The following PIP5K1B variants were observed in gnomAD, a reference collection of about 807,000 sequenced individuals.
PIP5K1B encodes the protein phosphatidylinositol-4-phosphate 5-kinase type 1 beta.
In PIP5K1B, 42 loss-of-function variants were observed where a neutral mutation model predicts 67.0. The observed-to-expected ratio is 0.63, with a 90% CI of 0.49 to 0.81. The LOEUF (loss-of-function observed/expected upper bound fraction) is 0.81. PIP5K1B is among the 30% of genes least tolerant of loss of function. The pLI, the probability that PIP5K1B is intolerant of heterozygous loss-of-function variation, is 0.00. For synonymous variants in PIP5K1B, 214 were observed against 231.4 expected, an observed-to-expected ratio of 0.92 and a Z score of 0.68; for missense variants, 459 against 646.3, an observed-to-expected ratio of 0.71 and a Z score of 3.14.
At chr9:68,842,615 A>C (rs118065978) in intron 4 of PIP5K1B, among the ~76,000 whole-genome samples, 1 of 152,328 alleles carries the variant, frequency 6.6e-6, no homozygotes, top group Non-Finnish European at 1.5e-5. Context: ...CTTAGTTCTC[A>C]ACCAGAGCTG....
At position 68,865,824 on chromosome 9, in the gene PIP5K1B, C is replaced by T. The variant is rs1031855001; in HGVS notation, c.200+1857C>T. On this transcript the variant is annotated intron_variant, in intron 5 of 15. Coordinates refer to ENST00000265382, the MANE Select transcript of PIP5K1B (RefSeq NM_003558.4). The stretch of plus-strand genomic sequence containing the variant: ...CCAGGAATCTGTTTTAACAAGCCGT[C>T]GGGGTGATTCTCAGCACAGAAAGGT... Among the ~76,000 whole-genome samples, 9 of 152,198 alleles carry T rather than the reference C, an allele frequency of 5.9e-5. 1 individual carries two copies. In the East Asian group the frequency reaches 1.7e-3, roughly 29 times the overall value.
At chr9:68,961,753 C>T (rs1828760780) in intron 14 of PIP5K1B, among the ~76,000 whole-genome samples, 1 of 152,194 alleles carries the variant, frequency 6.6e-6, no homozygotes, top group African/African-American at 2.4e-5. Context: ...TCCTTATTTT[C>T]AGTTGGTCCC....
intron 8 of PIP5K1B, among the ~76,000 whole-genome samples, chr9:68,909,766 C>T (rs1825773498): frequency 6.6e-6 from 1 of 152,206 alleles, no homozygotes; most frequent in African/African-American, 2.4e-5. Context: ...TGTCTCCCCT[C>T]ATCAGGAGGC....
In PIP5K1B at chr9:68,742,487, T is replaced by C. The variant is rs1314670551; in HGVS notation, c.-242-14T>C. ...TGATTGTTTGAGGTAGGCATTATTA[T>C]TTCCATTTTACAGATGAGGAAGCCA... On this transcript the variant is annotated splice_polypyrimidine_tract_variant and intron_variant, in intron 1 of 15. Coordinates refer to ENST00000265382, the MANE Select transcript of PIP5K1B (RefSeq NM_003558.4). 1 of 152,210 alleles carries C rather than the reference T, an allele frequency of 6.6e-6. No individual in the cohort carries two copies. The highest frequency in any genetic ancestry group is 1.5e-5 in the Non-Finnish European group (1 of 68,056). 9.4% of individuals were successfully genotyped at this position (152,210 alleles called of 1,614,324 possible). A position where few individuals can be genotyped will look rare whatever the true frequency, so the allele number is the denominator to read the frequency against.
intron 14 of PIP5K1B, among the ~76,000 whole-genome samples, chr9:68,969,607 G>C (rs1015690875): frequency 2.0e-5 from 3 of 152,110 alleles, no homozygotes; most frequent in Admixed American, 2.0e-4. Context: ...CTAGAAGGCA[G>C]AAGAAAAATG....
intron 2 of PIP5K1B, among the ~76,000 whole-genome samples, chr9:68,812,261 G>A (rs1306636017): frequency 1.3e-5 from 2 of 152,126 alleles, no homozygotes; most frequent in African/African-American, 4.8e-5. Context: ...AATCACATAT[G>A]TGGCAGCATT....
chr9:68,723,880 C>T (rs1239187375), intron 1 of PIP5K1B, among the ~76,000 whole-genome samples: 2 of 151,780 alleles, frequency 1.3e-5, no homozygotes, highest in East Asian at 1.9e-4. Context: ...GATGCAATCT[C>T]ATTTGTCTAT....
chr9:68,835,956 C>G (rs1587529367), intron 4 of PIP5K1B, among the ~76,000 whole-genome samples: 1 of 151,924 alleles, frequency 6.6e-6, no homozygotes, highest in South Asian at 2.1e-4. Context: ...CTTCAAGAAC[C>G]CTTTTTCCTC....
At chr9:68,779,940 C>A in intron 2 of PIP5K1B, 1 of 498,364 alleles carries the variant, frequency 2.0e-6, no homozygotes, top group Non-Finnish European at 3.3e-6. Flanking sequence ...AGCGGCCCGA[C>A]CACTCCTCGC....
chr9:68,843,125 T>C (rs1822002183), intron 4 of PIP5K1B: 1 of 152,216 alleles, frequency 6.6e-6, no homozygotes, highest in Non-Finnish European at 1.5e-5. Flanking sequence ...CATAGAATTT[T>C]TAAAGGTGAT....
chr9:68,838,484 C>T (rs1587533968), intron 4 of PIP5K1B, among the ~76,000 whole-genome samples: 1 of 152,328 alleles, frequency 6.6e-6, no homozygotes, highest in East Asian at 1.9e-4. Flanking sequence ...GGAAGTGTCA[C>T]TCTAGTGCTT....
At chr9:68,764,219 A>G (rs1436877049) in intron 2 of PIP5K1B, among the ~76,000 whole-genome samples, 3 of 151,348 alleles carry the variant, frequency 2.0e-5, no homozygotes, top group Non-Finnish European at 4.4e-5. Flanking sequence ...TTTTATCTCA[A>G]CAATAAGTGG....
At chr9:68,891,698 CA>C (rs1221341715) in intron 7 of PIP5K1B, among the ~76,000 whole-genome samples, 1 of 151,996 alleles carries the variant, frequency 6.6e-6, no homozygotes, top group Admixed American at 6.6e-5. Context: ...TGACAGAATT[CA>C]AAATGAGCAA....
At chr9:68,746,190 T>A (rs1829299558) in intron 2 of PIP5K1B, among the ~76,000 whole-genome samples, 1 of 151,570 alleles carries the variant, frequency 6.6e-6, no homozygotes. Flanking sequence ...GCTACTCTTG[T>A]GCCTCAGCCT....
intron 14 of PIP5K1B, among the ~76,000 whole-genome samples, chr9:68,989,623 T>G (rs895985645): frequency 6.6e-6 from 1 of 152,132 alleles, no homozygotes; most frequent in Non-Finnish European, 1.5e-5. Flanking sequence ...TAACTTTGAT[T>G]TTAATGGGGA....
At chr9:68,926,761 G>A (rs1257272175) in intron 12 of PIP5K1B, among the ~76,000 whole-genome samples, 1 of 151,914 alleles carries the variant, frequency 6.6e-6, no homozygotes, top group African/African-American at 2.4e-5. Context: ...TAGTAGAGAT[G>A]GGGTATCACC....
chr9:68,774,435 A>G (rs2132432634), intron 2 of PIP5K1B, among the ~76,000 whole-genome samples: 1 of 152,302 alleles, frequency 6.6e-6, no homozygotes, highest in East Asian at 1.9e-4. Context: ...TGAATAAGAT[A>G]TCTTCCTTCC....
intron 15 of PIP5K1B, among the ~76,000 whole-genome samples, chr9:69,000,882 A>C (rs1326972521): frequency 6.9e-6 from 1 of 145,524 alleles, no homozygotes; most frequent in Admixed American, 7.1e-5. Flanking sequence ...AAAAGGCTTG[A>C]TGGGAGCACA....
intron 11 of PIP5K1B, among the ~76,000 whole-genome samples, chr9:68,920,685 T>C (rs913809895): frequency 2.6e-5 from 4 of 151,924 alleles, no homozygotes; most frequent in Admixed American, 1.3e-4. Context: ...TCTTAATTGA[T>C]GTAACTGAAG....
Sources: gnomAD v4.1 joint callset for allele counts (sites outside exome capture counted in the v4.1 genomes callset) on GRCh38, gnomAD v4.1.1 for gene constraint, MANE v1.5 for transcripts, NCBI Gene and HGNC (gene_info 2026-07-23, HGNC 2026-07-21) for gene names.